Variants in RBFOX1 observed in about 807,000 individuals in gnomAD.
RBFOX1 encodes the protein RNA binding fox-1 homolog 1.
Under a neutral mutation model 57.7 loss-of-function variants are expected in RBFOX1, and 8 were observed. The observed-to-expected ratio is 0.14, with a 90% CI of 0.08 to 0.25. The LOEUF (loss-of-function observed/expected upper bound fraction) is 0.25, where lower values mean the gene tolerates loss of function less well. Ranked by LOEUF, RBFOX1 falls within the 10% of genes least tolerant of loss-of-function variation. The pLI is 1.00. For synonymous variants in RBFOX1, 326 were observed against 222.4 expected (o/e 1.47, Z -4.15); for missense variants, 611 against 548.5 (o/e 1.11, Z -1.14).
At chr16:7,514,923 A>T (rs2152110748) in intron 4 of RBFOX1, among the ~76,000 whole-genome samples, 1 of 152,190 alleles carries the variant, frequency 6.6e-6, no homozygotes, top group East Asian at 1.9e-4. Flanking sequence ...CTTCTGCTGG[A>T]GGTGGAGGAG....
chr16:5,678,871 C>G (rs113225864), intron 3 of RBFOX1, among the ~76,000 whole-genome samples: 2 of 152,172 alleles, frequency 1.3e-5, no homozygotes, highest in African/African-American at 2.4e-5. Flanking sequence ...TATTTGTAGA[C>G]CCAGCTCATG....
intron 1 of RBFOX1, among the ~76,000 whole-genome samples, chr16:5,454,995 C>CTTTCTTTCTTTCTTTCT (rs1217204703): frequency 9.7e-6 from 1 of 103,040 alleles, no homozygotes; most frequent in African/African-American, 3.4e-5. Flanking sequence ...TTCTTTCTTT[C>CTTTCTTTCTTTCTTTCT]TTTCTTTCTT....
At chr16:7,442,011 G>C (rs889130527) in intron 4 of RBFOX1, among the ~76,000 whole-genome samples, 2 of 152,202 alleles carry the variant, frequency 1.3e-5, no homozygotes, top group Non-Finnish European at 1.5e-5. Context: ...CAGCACAAAT[G>C]AGCTTTTCCC....
chr16:5,557,064 C>T (rs1221320856), intron 2 of RBFOX1, among the ~76,000 whole-genome samples: 2 of 151,922 alleles, frequency 1.3e-5, no homozygotes, highest in African/African-American at 4.8e-5. Context: ...TCAAGGCCAT[C>T]CTAGTTAACA....
intron 4 of RBFOX1, among the ~76,000 whole-genome samples, chr16:7,477,351 C>T (rs530203983): frequency 1.3e-5 from 2 of 152,254 alleles, no homozygotes; most frequent in South Asian, 4.2e-4. Flanking sequence ...AGCCCTAAAT[C>T]ATTGTGAGGA....
At chr16:6,370,529 G>A (rs1184146119) in intron 2 of RBFOX1, among the ~76,000 whole-genome samples, 3 of 152,150 alleles carry the variant, frequency 2.0e-5, no homozygotes, top group African/African-American at 4.8e-5. Flanking sequence ...ATTCTGACAC[G>A]TGCTACAACA....
At chr16:7,580,876 A>C (rs530613258) in intron 6 of RBFOX1, among the ~76,000 whole-genome samples, 59 of 152,290 alleles carry the variant, frequency 3.9e-4, no homozygotes, top group African/African-American at 1.3e-3. Flanking sequence ...CTACATCCTT[A>C]ACATTTGACT....
chr16:6,993,890 A>G (rs887328311), intron 3 of RBFOX1, among the ~76,000 whole-genome samples: 1 of 152,168 alleles, frequency 6.6e-6, no homozygotes. Flanking sequence ...CAGGGACAAC[A>G]TTAATGTATC....
At chr16:7,208,868 C>T (rs1422083525) in intron 4 of RBFOX1, among the ~76,000 whole-genome samples, 1 of 151,992 alleles carries the variant, frequency 6.6e-6, no homozygotes, top group Non-Finnish European at 1.5e-5. Context: ...ACAAAAAGCC[C>T]ACCAGTTCTC....
rs1362081241 is a variant in RBFOX1 at position 6,911,369 on chromosome 16, G to C, written c.-15-140688G>C. Among the ~76,000 whole-genome samples the C allele has an allele frequency of 6.6e-5, 10 of 152,256 alleles. No homozygotes were observed. In the South Asian group the frequency reaches 2.1e-3, roughly 32 times the overall value. ...CAAGATCAAGGTGTCAGGAGGGTTG[G>C]TTTCTTCTAAGGGCTGGGAGGAGGA... On this transcript the variant is annotated intron_variant, in intron 3 of 15. Transcript: ENST00000550418.
intron 4 of RBFOX1, among the ~76,000 whole-genome samples, chr16:7,242,603 A>G (rs1328712484): frequency 1.3e-5 from 2 of 152,216 alleles, no homozygotes. Flanking sequence ...AGTAAGCTGA[A>G]CAAACTTTCC....
chr16:6,018,769 G>T (rs1480883165), upstream of RBFOX1, among the ~76,000 whole-genome samples: 1 of 152,194 alleles, frequency 6.6e-6, no homozygotes, highest in African/African-American at 2.4e-5. Context: ...TTTGATTGGG[G>T]TTGGGAGGAG....
intron 7 of RBFOX1, among the ~76,000 whole-genome samples, 180 bp downstream of exon 7, chr16:7,587,480 A>G (rs1283304679): frequency 6.6e-6 from 1 of 152,190 alleles, no homozygotes; most frequent in African/African-American, 2.4e-5. Flanking sequence ...TCAGTTTAAA[A>G]TGTATAAGGG....
chr16:7,447,430 CAAAAA>C (rs202234230), intron 4 of RBFOX1, among the ~76,000 whole-genome samples: 39 of 98,518 alleles, frequency 4.0e-4, no homozygotes, highest in Non-Finnish European at 6.8e-4. Context: ...GAGTCTATCT[CAAAAA>C]AAAAAAAAAA....
chr16:6,378,151 G>C (rs940382069), intron 2 of RBFOX1, among the ~76,000 whole-genome samples: 7 of 152,238 alleles, frequency 4.6e-5, no homozygotes, highest in Middle Eastern at 3.2e-3. Flanking sequence ...AGCTACCAGA[G>C]CTTCTGTTGT....
chr16:6,974,812 C>T (rs80178790), intron 3 of RBFOX1, among the ~76,000 whole-genome samples: 8,294 of 152,188 alleles, frequency 0.054, 247 homozygotes, highest in African/African-American at 0.072. Context: ...GCCAGTCACT[C>T]CCTTGGCTTG....
intron 1 of RBFOX1, among the ~76,000 whole-genome samples, chr16:6,193,885 C>G (rs2097163184): frequency 6.6e-6 from 1 of 152,088 alleles, no homozygotes; most frequent in African/African-American, 2.4e-5. Context: ...TGGCTTTTTG[C>G]ATTGCCTCAT....
At chr16:6,424,585 C>T (rs2093869020) in intron 2 of RBFOX1, among the ~76,000 whole-genome samples, 2 of 135,068 alleles carry the variant, frequency 1.5e-5, no homozygotes, top group Admixed American at 1.5e-4. Flanking sequence ...GTTGAGAAAC[C>T]CTAGTACATC....
intron 2 of RBFOX1, among the ~76,000 whole-genome samples, chr16:6,536,754 G>C (rs1208151885): frequency 6.6e-6 from 1 of 152,130 alleles, no homozygotes; most frequent in African/African-American, 2.4e-5. Context: ...GGTTTTAAAA[G>C]ATTAAAGAGA....
Sources: gnomAD v4.1 joint callset for allele counts (sites outside exome capture counted in the v4.1 genomes callset) on GRCh38, gnomAD v4.1.1 for gene constraint, MANE v1.5 for transcripts, NCBI Gene and HGNC (gene_info 2026-07-23, HGNC 2026-07-21) for gene names.